LRP1B: variants seen among roughly 807,000 people sequenced by gnomAD.
LRP1B encodes the protein LDL receptor related protein 1B, also known as low-density lipoprotein receptor-related protein 1B.
In LRP1B, 217 loss-of-function variants were observed where a neutral mutation model predicts 556.6. The ratio of observed to expected loss-of-function variants is 0.39; its 90% CI spans 0.35 to 0.44. LRP1B has a LOEUF of 0.44. LRP1B is among the 20% of genes least tolerant of loss of function. The pLI is 1.00. For missense variants in LRP1B, 5,053 were observed against 5,620.8 expected (o/e 0.90, Z 3.23); for synonymous variants, 2,047 against 1,865.8 (o/e 1.10, Z -2.50).
intron 1 of LRP1B, among the ~76,000 whole-genome samples, chr2:141,840,316 T>G (rs1007944179): frequency 1.5e-5 from 2 of 133,514 alleles, no homozygotes; most frequent in East Asian, 4.3e-4. Flanking sequence ...CACGCTGGAG[T>G]GCAGTGGCGC....
intron 35 of LRP1B, among the ~76,000 whole-genome samples, chr2:140,746,932 GA>G (rs1161930209): frequency 2.6e-5 from 4 of 151,542 alleles, no homozygotes; most frequent in South Asian, 4.2e-4. Flanking sequence ...GAAAAATTAA[GA>G]AAAAAAATCT....
At chr2:141,585,319 T>C (rs966006993) in intron 2 of LRP1B, among the ~76,000 whole-genome samples, 1 of 152,266 alleles carries the variant, frequency 6.6e-6, no homozygotes, top group African/African-American at 2.4e-5. Context: ...TGAATAAGCC[T>C]GTCATGAAGG....
At chr2:141,001,526 G>A (rs1558792956) in intron 15 of LRP1B, among the ~76,000 whole-genome samples, 5 of 152,028 alleles carry the variant, frequency 3.3e-5, no homozygotes. Context: ...GTGTCCAAGT[G>A]TTCTCATTGT....
chr2:141,115,231 A>T (rs896179236), intron 7 of LRP1B, among the ~76,000 whole-genome samples: 1 of 151,526 alleles, frequency 6.6e-6, no homozygotes, highest in African/African-American at 2.4e-5. Flanking sequence ...TTGTGATTTG[A>T]CTCCTCTCCT....
chr2:140,501,291 A>T (rs1420312855), intron 55 of LRP1B, among the ~76,000 whole-genome samples: 1 of 152,010 alleles, frequency 6.6e-6, no homozygotes, highest in African/African-American at 2.4e-5. Context: ...ATATTCCATT[A>T]TCCAGTGTTG....
chr2:141,594,426 A>C (rs1021190335), intron 2 of LRP1B, among the ~76,000 whole-genome samples: 7 of 152,116 alleles, frequency 4.6e-5, no homozygotes, highest in Non-Finnish European at 1.0e-4. Flanking sequence ...AAATATTTAG[A>C]ATACACACGT....
intron 83 of LRP1B, among the ~76,000 whole-genome samples, chr2:140,307,400 A>G (rs1486918429): frequency 6.6e-6 from 1 of 151,878 alleles, no homozygotes; most frequent in Non-Finnish European, 1.5e-5. Context: ...TAAACAAATT[A>G]TCTATGCTTA....
chr2:141,452,150 A>G (rs1290736276), intron 3 of LRP1B, among the ~76,000 whole-genome samples: 1 of 152,206 alleles, frequency 6.6e-6, no homozygotes, highest in Non-Finnish European at 1.5e-5. Context: ...ATAACTGTAC[A>G]AAATTATTCC....
At chr2:140,883,791 A>C in intron 25 of LRP1B, 26 bp downstream of exon 25, 1 of 1,584,604 alleles carries the variant, frequency 6.3e-7, no homozygotes, top group African/African-American at 1.4e-5. Context: ...TGCCAAAATC[A>C]ATCTATAAAA....
intron 35 of LRP1B, among the ~76,000 whole-genome samples, chr2:140,720,887 A>G (rs1687376850): frequency 6.6e-6 from 1 of 152,128 alleles, no homozygotes; most frequent in Non-Finnish European, 1.5e-5. Context: ...TCTGTCCTAA[A>G]ATAATCACCA....
intron 2 of LRP1B, among the ~76,000 whole-genome samples, chr2:141,557,285 T>C (rs1685995257): frequency 6.6e-6 from 1 of 151,618 alleles, no homozygotes; most frequent in African/African-American, 2.4e-5. Context: ...GAAAGAAAAG[T>C]AAGCAAATAA....
intron 41 of LRP1B, among the ~76,000 whole-genome samples, chr2:140,613,105 T>C (rs1281818371): frequency 6.6e-6 from 1 of 151,180 alleles, no homozygotes; most frequent in Non-Finnish European, 1.5e-5. Context: ...CAGACTATTG[T>C]CAGGTATTGG....
At chr2:141,330,339 C>T (rs988534036) in intron 3 of LRP1B, among the ~76,000 whole-genome samples, 10 of 120,712 alleles carry the variant, frequency 8.3e-5, no homozygotes, top group Non-Finnish European at 1.4e-4. Flanking sequence ...ATCTGACAAT[C>T]GATCTCACAT....
At chr2:141,055,037 T>G (rs2105455255) in intron 10 of LRP1B, 79 bp downstream of exon 10, 1 of 1,504,460 alleles carries the variant, frequency 6.6e-7, no homozygotes, top group Non-Finnish European at 9.1e-7. Context: ...TTATGACTGA[T>G]GTTGATGCTG....
At chr2:141,911,269 C>G (rs1266103160) in intron 1 of LRP1B, among the ~76,000 whole-genome samples, 1 of 152,162 alleles carries the variant, frequency 6.6e-6, no homozygotes. Flanking sequence ...CTCTCTTTAA[C>G]CACTTCTATA....
chr2:142,026,876 C>T (rs1703525536), intron 1 of LRP1B, among the ~76,000 whole-genome samples: 1 of 152,016 alleles, frequency 6.6e-6, no homozygotes, highest in Non-Finnish European at 1.5e-5. Flanking sequence ...CATATCTTCT[C>T]ATGGTACATT....
chr2:141,223,897 G>C (rs1467030560), intron 6 of LRP1B, among the ~76,000 whole-genome samples: 1 of 152,090 alleles, frequency 6.6e-6, no homozygotes, highest in East Asian at 1.9e-4. Context: ...ATGGATTAAA[G>C]ATTTAAATGT....
chr2:140,880,288 T>A (rs1470191778), intron 25 of LRP1B, among the ~76,000 whole-genome samples: 1 of 152,184 alleles, frequency 6.6e-6, no homozygotes, highest in African/African-American at 2.4e-5. Flanking sequence ...AGTGAGTACC[T>A]TGTAGATTCT....
At chr2:140,404,682 A>G (rs1002546015) in intron 66 of LRP1B, among the ~76,000 whole-genome samples, 4 of 152,208 alleles carry the variant, frequency 2.6e-5, no homozygotes, top group Non-Finnish European at 5.9e-5. Flanking sequence ...GTTGTCTTCA[A>G]AAGACTCACC....
Sources: allele counts gnomAD v4.1 joint callset (sites outside exome capture counted in the v4.1 genomes callset), GRCh38; gene constraint gnomAD v4.1.1; transcripts MANE v1.5; gene names NCBI Gene and HGNC (gene_info 2026-07-23, HGNC 2026-07-21).